Variants in TTC39B observed in about 807,000 individuals in gnomAD.
TTC39B encodes tetratricopeptide repeat protein 39B.
In TTC39B, 92 loss-of-function variants were observed where a neutral mutation model predicts 96.6. The ratio of observed to expected loss-of-function variants is 0.95; its 90% CI spans 0.80 to 1.13. The LOEUF is 1.13. Among genes scored for constraint, TTC39B ranks in the 50% most tolerant of loss-of-function variants. The probability of loss-of-function intolerance (pLI) is 0.00; values close to 1 mark genes in which losing one functional copy is unlikely to be tolerated. For missense variants in TTC39B, 955 were observed against 809.3 expected (o/e 1.18, Z -2.18); for synonymous variants, 367 against 299.4 (o/e 1.23, Z -2.33).
At chr9:15,277,039 G>T (rs1051674288) in intron 1 of TTC39B, among the ~76,000 whole-genome samples, 2 of 152,196 alleles carry the variant, frequency 1.3e-5, no homozygotes, top group African/African-American at 4.8e-5. Context: ...CAGCAAATAG[G>T]TAGTGAAAAA....
intron 1 of TTC39B, among the ~76,000 whole-genome samples, chr9:15,301,239 C>T (rs564521708): frequency 6.6e-6 from 1 of 152,318 alleles, no homozygotes; most frequent in Admixed American, 6.5e-5. Flanking sequence ...ACTGAAAGCG[C>T]TCATTTACTC....
intron 16 of TTC39B, 107 bp from the exon 17 acceptor site, chr9:15,182,522 A>G: frequency 3.0e-6 from 2 of 668,050 alleles, no homozygotes; most frequent in Non-Finnish European, 4.9e-6. Context: ...TAGGAACCTC[A>G]GGACAATATT....
chr9:15,275,388 G>C (rs1823503722), intron 1 of TTC39B, among the ~76,000 whole-genome samples: 1 of 152,164 alleles, frequency 6.6e-6, no homozygotes, highest in South Asian at 2.1e-4. Context: ...CCTTAGGGTT[G>C]ATGAAGTAAG....
intron 1 of TTC39B, among the ~76,000 whole-genome samples, chr9:15,268,924 T>C (rs1249899197): frequency 6.6e-6 from 1 of 152,052 alleles, no homozygotes; most frequent in African/African-American, 2.4e-5. Flanking sequence ...AAACTCATTC[T>C]CCCTATCTAC....
At chr9:15,191,589 A>G (rs1818860274) in intron 9 of TTC39B, among the ~76,000 whole-genome samples, 1 of 152,156 alleles carries the variant, frequency 6.6e-6, no homozygotes, top group Non-Finnish European at 1.5e-5. Context: ...TTCCTTTCCC[A>G]GAAGCAAAAA....
chr9:15,209,594 CT>C (rs1319288034), intron 6 of TTC39B, among the ~76,000 whole-genome samples: 1 of 152,184 alleles, frequency 6.6e-6, no homozygotes. Context: ...GGTTCTTCCA[CT>C]TTTAGGAATC....
chr9:15,277,212 T>C (rs1823577355), intron 1 of TTC39B, among the ~76,000 whole-genome samples: 1 of 152,136 alleles, frequency 6.6e-6, no homozygotes, highest in Non-Finnish European at 1.5e-5. Flanking sequence ...GTGGATCACC[T>C]GAGGTCGGGA....
chr9:15,179,137 C>T (rs1246296201), intron 17 of TTC39B, among the ~76,000 whole-genome samples: 2 of 152,188 alleles, frequency 1.3e-5, no homozygotes, highest in South Asian at 2.1e-4. Flanking sequence ...AACCATATTA[C>T]GTGTGACATC....
intron 2 of TTC39B, among the ~76,000 whole-genome samples, chr9:15,233,592 C>T (rs4421447): frequency 6.6e-6 from 1 of 150,886 alleles, no homozygotes; most frequent in Admixed American, 6.6e-5. Flanking sequence ...TCCTAACCGC[C>T]AGTGATCCGC....
intron 3 of TTC39B, among the ~76,000 whole-genome samples, chr9:15,219,947 C>T (rs933751121): frequency 6.6e-6 from 1 of 152,194 alleles, no homozygotes; most frequent in African/African-American, 2.4e-5. Flanking sequence ...TTCCACGCAT[C>T]TAAGCTATAA....
At chr9:15,223,185 G>A (rs1451090921) in intron 3 of TTC39B, among the ~76,000 whole-genome samples, 1 of 152,224 alleles carries the variant, frequency 6.6e-6, no homozygotes, top group South Asian at 2.1e-4. Flanking sequence ...CTCTGGATAT[G>A]AGGATCCTTT....
exon 20 of TTC39B, chr9:15,166,982 T>TTTTATATA (rs1387664027): frequency 4.9e-4 from 10 of 20,280 alleles, no homozygotes; most frequent in African/African-American, 1.3e-3. Flanking sequence ...AACCTTTATT[T>TTTTATATA]TATATATATA....
At chr9:15,214,502 G>A (rs1330519435) in intron 3 of TTC39B, among the ~76,000 whole-genome samples, 1 of 152,126 alleles carries the variant, frequency 6.6e-6, no homozygotes, top group Non-Finnish European at 1.5e-5. Flanking sequence ...GATTCTCAGG[G>A]AAATTACAAC....
chr9:15,269,638 G>A (rs1175978978), intron 1 of TTC39B, among the ~76,000 whole-genome samples: 1 of 152,134 alleles, frequency 6.6e-6, no homozygotes, highest in East Asian at 1.9e-4. Context: ...TGGATCACAA[G>A]GTCAGGAGTT....
rs192846556 is a variant in TTC39B, at chr9:15,251,153, G to A, written c.275+16761C>T. Among the ~76,000 whole-genome samples, 466 of 151,968 alleles carry A rather than the reference G, an allele frequency of 3.1e-3. 3 individuals carry two copies. The highest frequency in any genetic ancestry group is 4.6e-3 in the Non-Finnish European group (311 of 67,966). On this transcript the variant is annotated intron_variant, in intron 2 of 19. Transcript: ENST00000512701. ...GGAGGTTGCAGTGAGCCAAGATTGCGCCACTGCACTCTGCCCTGGATGACA... is the reference window on the plus strand; with the variant it reads ...GGAGGTTGCAGTGAGCCAAGATTGCACCACTGCACTCTGCCCTGGATGACA...
intron 17 of TTC39B, among the ~76,000 whole-genome samples, chr9:15,181,378 T>A (rs1818239976): frequency 6.6e-6 from 1 of 152,214 alleles, no homozygotes; most frequent in Admixed American, 6.5e-5. Flanking sequence ...CAACAAAGGC[T>A]ATCACTTATG....
chr9:15,229,452 T>C lies in TTC39B; in HGVS notation c.276-3440A>G, dbSNP rs369356706. 2.0e-5 allele frequency among the ~76,000 whole-genome samples: 3 copies of C among 152,372 alleles called. No individual in the cohort carries two copies. In the East Asian group the frequency reaches 5.8e-4, roughly 29 times the overall value. The stretch of plus-strand genomic sequence containing the variant: ...AAATTATGTTAACTTGTAGATTTTT[T>C]AATCTGGTAGATATGCAAATAATTT... On this transcript the variant is annotated intron_variant, in intron 2 of 19. Coordinates refer to ENST00000512701, the Ensembl canonical transcript of TTC39B.
exon 1 of TTC39B, chr9:15,307,201 C>G: frequency 6.4e-7 from 1 of 1,565,950 alleles, no homozygotes; most frequent in Non-Finnish European, 8.7e-7. Context: ...GCTCTGGGCT[C>G]AGCCCAGCGC....
At chr9:15,256,382 T>C (rs1032982765) in intron 2 of TTC39B, among the ~76,000 whole-genome samples, 1 of 152,218 alleles carries the variant, frequency 6.6e-6, no homozygotes, top group Non-Finnish European at 1.5e-5. Context: ...TAATGGATTT[T>C]GTTACGGCAG....
Sources: gnomAD v4.1 joint callset for allele counts (sites outside exome capture counted in the v4.1 genomes callset) on GRCh38, gnomAD v4.1.1 for gene constraint, MANE v1.5 for transcripts, NCBI Gene and HGNC (gene_info 2026-07-23, HGNC 2026-07-21) for gene names.